L3MBTL4: variants seen among roughly 807,000 people sequenced by gnomAD.
The protein encoded by L3MBTL4 is lethal(3)malignant brain tumor-like protein 4.
L3MBTL4 carries 70 observed loss-of-function variants against 84.5 expected under a neutral mutation model. That is an observed-to-expected ratio of 0.83 (90% confidence interval 0.68 to 1.01). The LOEUF (loss-of-function observed/expected upper bound fraction) is 1.01, where lower values mean the gene tolerates loss of function less well. L3MBTL4 is among the 50% of genes least tolerant of loss of function. The pLI is 0.00. For synonymous variants in L3MBTL4, 274 were observed against 259.8 expected (o/e 1.05, Z -0.52); for missense variants, 715 against 754.8 (o/e 0.95, Z 0.62).
intron 12 of L3MBTL4, among the ~76,000 whole-genome samples, chr18:6,185,233 AGGGC>A (rs2044667137): frequency 1.3e-5 from 2 of 152,230 alleles, no homozygotes; most frequent in Admixed American, 6.5e-5. Context: ...AGGCGGAGCC[AGGGC>A]CATACACATG....
At chr18:6,358,658 C>T (rs555911108) in intron 1 of L3MBTL4, among the ~76,000 whole-genome samples, 31 of 152,250 alleles carry the variant, frequency 2.0e-4, no homozygotes, top group African/African-American at 7.5e-4. Context: ...CCAAGACCTC[C>T]TAGGATCTAA....
chr18:6,130,813 T>C (rs1181415051), intron 14 of L3MBTL4, among the ~76,000 whole-genome samples: 1 of 152,194 alleles, frequency 6.6e-6, no homozygotes, highest in Non-Finnish European at 1.5e-5. Flanking sequence ...CTTTATTCTC[T>C]ATGTAAATTC....
At chr18:6,080,720 T>C (rs1184061862) in intron 16 of L3MBTL4, among the ~76,000 whole-genome samples, 161 bp downstream of exon 16, 1 of 152,232 alleles carries the variant, frequency 6.6e-6, no homozygotes, top group Admixed American at 6.5e-5. Flanking sequence ...GTGAAGGGAC[T>C]CATTCACAGG....
At chr18:6,322,486 G>A (rs1745663778) in intron 1 of L3MBTL4, among the ~76,000 whole-genome samples, 1 of 144,078 alleles carries the variant, frequency 6.9e-6, no homozygotes, top group African/African-American at 2.7e-5. Context: ...AGGAAGGAAG[G>A]AAGGAAGGAA....
intron 7 of L3MBTL4, among the ~76,000 whole-genome samples, chr18:6,242,224 G>C (rs938693878): frequency 6.6e-6 from 1 of 152,016 alleles, no homozygotes; most frequent in South Asian, 2.1e-4. Flanking sequence ...ACTCATCCTC[G>C]CAAAGCGCAC....
intron 10 of L3MBTL4, among the ~76,000 whole-genome samples, chr18:6,223,992 A>T (rs1364178761): frequency 6.6e-6 from 1 of 152,210 alleles, no homozygotes; most frequent in Admixed American, 6.5e-5. Context: ...AGGGATTAGC[A>T]TCAGTTACCA....
chr18:6,282,252 T>C (rs2049353531), intron 4 of L3MBTL4, among the ~76,000 whole-genome samples: 2 of 152,162 alleles, frequency 1.3e-5, no homozygotes, highest in Admixed American at 6.6e-5. Flanking sequence ...TAAAATCTAC[T>C]GGAGAGGGAT....
At chr18:6,159,106 T>C (rs1233953361) in intron 13 of L3MBTL4, among the ~76,000 whole-genome samples, 1 of 152,198 alleles carries the variant, frequency 6.6e-6, no homozygotes, top group Non-Finnish European at 1.5e-5. Flanking sequence ...TCATCTATTT[T>C]TGGGCTTTGC....
At chr18:6,146,377 A>C (rs1337908844) in intron 13 of L3MBTL4, among the ~76,000 whole-genome samples, 1 of 152,242 alleles carries the variant, frequency 6.6e-6, no homozygotes, top group Non-Finnish European at 1.5e-5. Flanking sequence ...CTCTGGGAAC[A>C]CCGAGATGTA....
intron 1 of L3MBTL4, among the ~76,000 whole-genome samples, chr18:6,384,451 G>T (rs1376302172): frequency 6.6e-6 from 1 of 152,064 alleles, no homozygotes; most frequent in African/African-American, 2.4e-5. Flanking sequence ...CAGAGTATGG[G>T]GTGGAAGGCA....
intron 12 of L3MBTL4, among the ~76,000 whole-genome samples, chr18:6,174,202 A>C (rs761400411): frequency 6.6e-6 from 1 of 152,144 alleles, no homozygotes; most frequent in Non-Finnish European, 1.5e-5. Flanking sequence ...ATAACATACA[A>C]AAGTTTATTA....
chr18:6,039,360 C>A (rs1403763301), intron 16 of L3MBTL4, among the ~76,000 whole-genome samples: 2 of 152,086 alleles, frequency 1.3e-5, no homozygotes, highest in Non-Finnish European at 2.9e-5. Flanking sequence ...GCTGCTCCAC[C>A]CACATTTTAA....
chr18:6,199,942 C>T (rs1472629559), intron 12 of L3MBTL4, among the ~76,000 whole-genome samples: 1 of 152,190 alleles, frequency 6.6e-6, no homozygotes, highest in East Asian at 1.9e-4. Flanking sequence ...CTGGAAGTGT[C>T]CTACAGAAAG....
chr18:6,197,478 G>A (rs548478395), intron 12 of L3MBTL4, among the ~76,000 whole-genome samples: 1 of 152,320 alleles, frequency 6.6e-6, no homozygotes, highest in South Asian at 2.1e-4. Flanking sequence ...ATTCCATGGT[G>A]TATATGTACC....
At position 6,071,839 on chromosome 18, in the gene L3MBTL4, AAAG is replaced by A. The variant is rs1173998765; in HGVS notation, c.1444+9039_1444+9041del. 2.3e-4 allele frequency among the ~76,000 whole-genome samples: 26 copies of A among 114,024 alleles called. 2 individuals carry two copies. The highest frequency in any genetic ancestry group is 9.9e-4 in the Admixed American group (10 of 10,054). 74.8% of individuals were successfully genotyped at this position (114,024 alleles called of 152,430 possible). A position where few individuals can be genotyped will look rare whatever the true frequency, so the allele number is the denominator to read the frequency against. On this transcript the variant is annotated intron_variant, in intron 16 of 18. Transcript: ENST00000317931. The stretch of plus-strand genomic sequence containing the variant: ...AGGAAAGAAAGAAAGAAAGAAAGAG[AAAG>A]AGAGAGAGGGAGGGAGGGAGGAAGG...
intron 12 of L3MBTL4, among the ~76,000 whole-genome samples, chr18:6,180,419 C>T (rs940932460): frequency 4.6e-5 from 7 of 152,036 alleles, no homozygotes; most frequent in Admixed American, 4.6e-4. Flanking sequence ...GAACCGGCTG[C>T]CCCTAGGTTT....
chr18:6,306,314 T>A (rs192370485), intron 3 of L3MBTL4, among the ~76,000 whole-genome samples: 2 of 152,216 alleles, frequency 1.3e-5, no homozygotes, highest in Admixed American at 1.3e-4. Flanking sequence ...GAGAATGAAA[T>A]ACTTCCATTT....
chr18:6,303,307 G>C (rs984981836), intron 3 of L3MBTL4, among the ~76,000 whole-genome samples: 1 of 152,054 alleles, frequency 6.6e-6, no homozygotes, highest in Admixed American at 6.6e-5. Flanking sequence ...TTTTAGTAAT[G>C]ATGGGGTTTC....
chr18:6,164,411 C>A (rs983865736), intron 13 of L3MBTL4, among the ~76,000 whole-genome samples: 2 of 152,180 alleles, frequency 1.3e-5, no homozygotes, highest in African/African-American at 4.8e-5. Context: ...CCCGAGTAGC[C>A]TAACTGGGAG....
Sources: allele counts gnomAD v4.1 joint callset (sites outside exome capture counted in the v4.1 genomes callset), GRCh38; gene constraint gnomAD v4.1.1; transcripts MANE v1.5; gene names NCBI Gene and HGNC (gene_info 2026-07-23, HGNC 2026-07-21).